The following PCGF5 variants were observed in gnomAD, a reference collection of about 807,000 sequenced individuals.
PCGF5 encodes the protein polycomb group RING finger protein 5.
In PCGF5, 9 loss-of-function variants were observed where a neutral mutation model predicts 44.3. The observed-to-expected ratio is 0.20, with a 90% CI of 0.12 to 0.35. The LOEUF is 0.35. Among genes scored for constraint, PCGF5 ranks in the 10% least tolerant of loss-of-function variants. PCGF5 has a pLI of 1.00. For missense variants in PCGF5, 146 were observed against 305.3 expected (o/e 0.48, Z 3.89); for synonymous variants, 95 against 102.5 (o/e 0.93, Z 0.44).
At chr10:91,271,002 C>T (rs538811990) in intron 8 of PCGF5, among the ~76,000 whole-genome samples, 1 of 150,580 alleles carries the variant, frequency 6.6e-6, no homozygotes, top group Non-Finnish European at 1.5e-5. Flanking sequence ...AAAGTGTGTT[C>T]ACTCATTGCT....
rs1036717559 is a variant in PCGF5 at position 91,278,597 on chromosome 10, C to T, written c.*281C>T. 5.2e-5 allele frequency: 20 copies of T among 387,738 alleles called. No homozygotes were observed. Among genetic ancestry groups the T allele is most frequent in the Non-Finnish European group, 8.3e-5 (18 of 215,634 alleles). The allele number at this position is 387,738 out of a possible 1,614,324, so 24.0% of individuals were successfully genotyped here. On this transcript the variant is annotated 3_prime_UTR_variant, in exon 10 of 10. Coordinates refer to ENST00000336126, the MANE Select transcript of PCGF5 (RefSeq NM_032373.5). ...CAGTTAGCTGTGCCGCCATGATTCA[C>T]CCTTCTGAATATTTTGCTTGCCTGT...
At chr10:91,172,742 A>G (rs976655302) in intron 1 of PCGF5, among the ~76,000 whole-genome samples, 17 of 152,296 alleles carry the variant, frequency 1.1e-4, no homozygotes, top group African/African-American at 2.6e-4. Flanking sequence ...TGTTATATCA[A>G]CTAGAAGTGA....
At chr10:91,258,538 C>T (rs541738258) in intron 6 of PCGF5, among the ~76,000 whole-genome samples, 1 of 152,274 alleles carries the variant, frequency 6.6e-6, no homozygotes, top group South Asian at 2.1e-4. Flanking sequence ...GATCAACCTA[C>T]ACCCTTATAT....
chr10:91,242,636 C>T (rs1414774091), intron 3 of PCGF5, among the ~76,000 whole-genome samples: 1 of 151,992 alleles, frequency 6.6e-6, no homozygotes, highest in East Asian at 1.9e-4. Context: ...CTTAGAATCC[C>T]CCAAATAAAA....
chr10:91,162,327 G>A (rs192583484), upstream of PCGF5, among the ~76,000 whole-genome samples: 1,034 of 144,836 alleles, frequency 7.1e-3, 10 homozygotes, highest in Middle Eastern at 0.017. Flanking sequence ...GGGGTGGGGG[G>A]ACTTTGCGAT....
At chr10:91,254,729 G>A (rs948829634) in intron 6 of PCGF5, among the ~76,000 whole-genome samples, 1 of 152,102 alleles carries the variant, frequency 6.6e-6, no homozygotes, top group Admixed American at 6.6e-5. Flanking sequence ...AAAGTCAAGA[G>A]TGGGATGTCA....
intron 6 of PCGF5, among the ~76,000 whole-genome samples, chr10:91,252,464 T>G (rs1378157395): frequency 2.0e-5 from 3 of 152,030 alleles, no homozygotes; most frequent in Non-Finnish European, 4.4e-5. Flanking sequence ...CAGTAGACAG[T>G]GAAGATGTAA....
chr10:91,240,771 A>T (rs1033192901), intron 3 of PCGF5, among the ~76,000 whole-genome samples, 191 bp downstream of exon 3: 1 of 152,016 alleles, frequency 6.6e-6, no homozygotes, highest in Non-Finnish European at 1.5e-5. Context: ...CATCTTAAAT[A>T]TTTAAGAAAT....
intron 1 of PCGF5, among the ~76,000 whole-genome samples, chr10:91,195,212 TGAATTTAAA>T (rs1198113856): frequency 6.6e-6 from 1 of 151,900 alleles, no homozygotes; most frequent in Non-Finnish European, 1.5e-5. Flanking sequence ...TTTGTGGTTA[TGAATTTAAA>T]GGAGTAAATG....
chr10:91,241,339 G>A (rs1332275320), intron 3 of PCGF5, among the ~76,000 whole-genome samples: 1 of 152,078 alleles, frequency 6.6e-6, no homozygotes, highest in Non-Finnish European at 1.5e-5. Context: ...AAAGTGCTGG[G>A]ATAAAGGTGT....
intron 6 of PCGF5, 112 bp downstream of exon 6, chr10:91,251,552 A>G: frequency 9.9e-7 from 1 of 1,012,092 alleles, no homozygotes; most frequent in South Asian, 1.4e-5. Context: ...GTTTTAATTA[A>G]CATAATTAAA....
chr10:91,244,874 G>C (rs1480467457), intron 3 of PCGF5, among the ~76,000 whole-genome samples: 4 of 152,164 alleles, frequency 2.6e-5, no homozygotes, highest in Non-Finnish European at 4.4e-5. Flanking sequence ...GGAAGGGGTA[G>C]ATCAGGACTT....
rs183582729 is a variant in PCGF5, at chr10:91,194,701, T to C, written c.-183-27988T>C. Among the ~76,000 whole-genome samples, 215 of 152,194 alleles carry C rather than the reference T, an allele frequency of 1.4e-3. 1 individual carries two copies. Among genetic ancestry groups the C allele is most frequent in the African/African-American group, 4.7e-3 (196 of 41,524 alleles). On this transcript the variant is annotated intron_variant, in intron 1 of 9. Transcript: ENST00000614189. ...GGTCTCGAATTCAAAAGCATAGAGA[T>C]GGTTTAAAGCCACAGACTGAATGAG...
chr10:91,193,052 C>A (rs11186491), intron 1 of PCGF5, among the ~76,000 whole-genome samples: 32,093 of 151,996 alleles, frequency 0.21, 3,776 homozygotes, highest in East Asian at 0.49. Flanking sequence ...GAGTTGTGGC[C>A]ACAGTTGGAA....
intron 2 of PCGF5, among the ~76,000 whole-genome samples, chr10:91,230,068 C>T (rs1231834756): frequency 1.3e-5 from 2 of 151,904 alleles, no homozygotes; most frequent in Non-Finnish European, 2.9e-5. Flanking sequence ...GTGTATAGTT[C>T]GTTTAGCTTT....
At chr10:91,203,660 T>C (rs1181807277) in intron 1 of PCGF5, among the ~76,000 whole-genome samples, 3 of 152,218 alleles carry the variant, frequency 2.0e-5, no homozygotes, top group Admixed American at 2.0e-4. Context: ...TTTTAATTTC[T>C]TGAAAACTAC....
chr10:91,227,486 G>T lies in PCGF5; in HGVS notation c.112+4503G>T. ...ACTCTTTACCCTCACTAACAAAACT[G>T]GGCAAAGTCCTGCTGGTCTCTCTCT... On this transcript the variant is annotated intron_variant, in intron 2 of 9. Transcript: ENST00000336126. 5.5e-6 allele frequency: 7 copies of T among 1,278,456 alleles called. No individual in the cohort carries two copies. The South Asian group carries it at 6.3e-5, about 11-fold the overall frequency. 79.2% of individuals were successfully genotyped at this position (1,278,456 alleles called of 1,614,324 possible). A position where few individuals can be genotyped will look rare whatever the true frequency, so the allele number is the denominator to read the frequency against.
chr10:91,212,145 T>C (rs1844464513), intron 1 of PCGF5, among the ~76,000 whole-genome samples: 1 of 152,226 alleles, frequency 6.6e-6, no homozygotes, highest in African/African-American at 2.4e-5. Flanking sequence ...GAAGAGCTCA[T>C]TCCATTGTTA....
intron 2 of PCGF5, among the ~76,000 whole-genome samples, chr10:91,240,196 C>G (rs1323258477): frequency 3.3e-5 from 5 of 152,126 alleles, no homozygotes; most frequent in Non-Finnish European, 7.4e-5. Flanking sequence ...TGTAAATACA[C>G]CAGCTTTTTT....
Sources: allele counts gnomAD v4.1 joint callset (sites outside exome capture counted in the v4.1 genomes callset), GRCh38; gene constraint gnomAD v4.1.1; transcripts MANE v1.5; gene names NCBI Gene and HGNC (gene_info 2026-07-23, HGNC 2026-07-21).